The following KCNQ2 variants were observed in gnomAD, a reference collection of about 807,000 sequenced individuals.
The protein encoded by KCNQ2 is potassium voltage-gated channel subfamily KQT member 2.
A neutral mutation model predicts 84.8 loss-of-function variants in KCNQ2; 14 were observed. That is an observed-to-expected ratio of 0.17 (90% CI 0.11 to 0.26). KCNQ2 has a LOEUF of 0.26. Ranked by LOEUF, KCNQ2 falls within the 10% of genes least tolerant of loss-of-function variation. The pLI, the probability that KCNQ2 is intolerant of heterozygous loss-of-function variation, is 1.00. For synonymous variants in KCNQ2, 599 were observed against 554.1 expected (o/e 1.08, Z -1.14); for missense variants, 788 against 1,254.0 (o/e 0.63, Z 5.61).
chr20:63,407,729 G>T lies in KCNQ2; in HGVS notation c.1888-354C>A, dbSNP rs1213591547. Among the ~76,000 whole-genome samples, 1 of 151,670 alleles carries T rather than the reference G, an allele frequency of 6.6e-6. No individual in the cohort carries two copies. The highest frequency in any genetic ancestry group is 2.4e-5 in the African/African-American group (1 of 41,284). ...GTCGGTCGACTTGGGCTGGTCCCAG[G>T]AGGTGGGGGGACCTGGGTTGCTCCC... On this transcript the variant is annotated intron_variant, in intron 16 of 16. Transcript: ENST00000359125. The surrounding 1 kb of genome is among the most constrained non-coding windows in gnomAD (Gnocchi z 7.2).
chr20:63,435,724 C>T (rs975587919), intron 7 of KCNQ2, among the ~76,000 whole-genome samples: 1 of 152,218 alleles, frequency 6.6e-6, no homozygotes, highest in African/African-American at 2.4e-5. Context: ...AGGAAGAACA[C>T]TGGCCCAGCA....
intron 10 of KCNQ2, among the ~76,000 whole-genome samples, chr20:63,426,099 G>A (rs1323248161): frequency 6.6e-5 from 10 of 152,286 alleles, no homozygotes; most frequent in African/African-American, 2.2e-4. Context: ...GCTGAGGAGC[G>A]CCACCGGCCT....
At chr20:63,436,280 C>T (rs1423909152) in intron 7 of KCNQ2, among the ~76,000 whole-genome samples, 6 of 152,178 alleles carry the variant, frequency 3.9e-5, no homozygotes, top group African/African-American at 1.4e-4. Flanking sequence ...GCCTGTAATC[C>T]CAGCACTTTG....
In KCNQ2 at chr20:63,405,764, C is replaced by T. The variant is rs1158144444; in HGVS notation, c.*880G>A. 2 of 152,402 alleles carry T rather than the reference C, an allele frequency of 1.3e-5. No individual in the cohort carries two copies. Among genetic ancestry groups the T allele is most frequent in the Non-Finnish European group, 2.9e-5 (2 of 68,188 alleles). The allele number at this position is 152,402 out of a possible 1,614,324, so 9.4% of individuals were successfully genotyped here. On this transcript the variant is annotated 3_prime_UTR_variant, in exon 17 of 17. Transcript: ENST00000359125. ...GGACTTGGGGTCCTGCCCCCCCGGT[C>T]TCCAAGGCTGGGGTGCTGCTGGCTC...
chr20:63,433,220 G>A (rs1448660304), intron 8 of KCNQ2, among the ~76,000 whole-genome samples: 1 of 152,198 alleles, frequency 6.6e-6, no homozygotes, highest in East Asian at 1.9e-4. Flanking sequence ...GCACTGCCTC[G>A]ACAGGCACTT....
In KCNQ2 at chr20:63,440,090, G is replaced by A. The variant is rs760462420; in HGVS notation, c.817-382C>T. On this transcript the variant is annotated intron_variant, in intron 5 of 16. Coordinates refer to ENST00000359125, the MANE Select transcript of KCNQ2 (RefSeq NM_172107.4). ...AGGGACCCAGAGGAACGGGCAGGGC[G>A]TGCAGGGGGCTCGCTGAGCCTGAGC... Among the ~76,000 whole-genome samples the A allele has an allele frequency of 2.6e-5, 4 of 152,344 alleles. No homozygotes were observed. The East Asian group carries it at 5.8e-4, about 22-fold the overall frequency.
In KCNQ2 at chr20:63,469,130, G is replaced by C. The variant is rs369418837; in HGVS notation, c.296+3038C>G. ...CTATGCGCAGATGGGCTGCAGGAGA[G>C]AGGCTGGAGCCCGGGATTCAGGCTC... is the stretch of plus-strand genomic sequence containing the variant. On this transcript the variant is annotated intron_variant, in intron 1 of 16. Coordinates refer to ENST00000359125, the MANE Select transcript of KCNQ2 (RefSeq NM_172107.4). 6.1e-3 allele frequency among the ~76,000 whole-genome samples: 933 copies of C among 152,332 alleles called. 89 individuals are homozygous for C. The South Asian group carries it at 0.19, about 30-fold the overall frequency.
intron 4 of KCNQ2, among the ~76,000 whole-genome samples, chr20:63,443,247 ACATCACCATCGCCACCATCATCACCAC>A (rs2081290503): frequency 1.5e-4 from 2 of 13,448 alleles, no homozygotes; most frequent in Non-Finnish European, 3.2e-4. Context: ...CACCACCATC[ACATCACCATCGCCACCATCATCACCAC>A]CATCACCATC....
At chr20:63,409,621 G>C (rs2080052311) in intron 15 of KCNQ2, among the ~76,000 whole-genome samples, 1 of 152,250 alleles carries the variant, frequency 6.6e-6, no homozygotes, top group South Asian at 2.1e-4. Flanking sequence ...GACCCACCCA[G>C]GAGAGGCCAC....
chr20:63,438,729 C>T lies in KCNQ2; in HGVS notation c.928-9G>A, dbSNP rs753116226. On this transcript the variant is annotated splice_polypyrimidine_tract_variant and intron_variant, in intron 6 of 16. Transcript: ENST00000359125. This position sits in a 1 kb window ranked among gnomAD's most constrained non-coding sequence, Gnocchi z 5.1. ...CCAGACCCCAAGATGCCCTGCAATT[C>T]ATCAGGGTCAGGTCACACCCCAGGG... The T allele has an allele frequency of 3.1e-6, 5 of 1,612,422 alleles. No individual in the cohort carries two copies. The highest frequency in any genetic ancestry group is 4.2e-6 in the Non-Finnish European group (5 of 1,179,258).
At chr20:63,470,919 G>C (rs1452761963) in intron 1 of KCNQ2, 1 of 152,174 alleles carries the variant, frequency 6.6e-6, no homozygotes, top group Admixed American at 6.5e-5. Context: ...GCTTCTGCTT[G>C]GGGAGTCCCA....
Position 63,438,531 on chromosome 20 carries a change from C to A in KCNQ2, c.1023+94G>T, listed in dbSNP as rs561721319. 127 of 1,015,530 alleles carry A rather than the reference C, an allele frequency of 1.3e-4. 2 individuals carry two copies. The highest frequency in any genetic ancestry group is 1.2e-3 in the South Asian group (93 of 79,296). The allele number at this position is 1,015,530 out of a possible 1,614,324, so 62.9% of individuals were successfully genotyped here. A position where few individuals can be genotyped will look rare whatever the true frequency, so the allele number is the denominator to read the frequency against. The stretch of plus-strand genomic sequence containing the variant: ...GTGAGCGCTGTGGCCCATCCACAGA[C>A]AGGGCAATGCCAAAGCCCCAGCGGC... On this transcript the variant is annotated intron_variant, in intron 7 of 16. Coordinates refer to ENST00000359125, the MANE Select transcript of KCNQ2 (RefSeq NM_172107.4). This position sits in a 1 kb window ranked among gnomAD's most constrained non-coding sequence, Gnocchi z 5.1.
Position 63,460,060 on chromosome 20 carries a change from A to C in KCNQ2, c.296+12108T>G, listed in dbSNP as rs2081909282. 6.6e-6 allele frequency: 1 copy of C among 152,150 alleles called. No homozygotes were observed. 9.4% of individuals were successfully genotyped at this position (152,150 alleles called of 1,614,324 possible). On this transcript the variant is annotated intron_variant, in intron 1 of 16. Transcript: ENST00000359125. The surrounding 1 kb of genome is among the most constrained non-coding windows in gnomAD (Gnocchi z 5.4). ...AGAATCGCCCCTTCTTCTGTGGCTG[A>C]AGCTTGGCTCTGGCCCTGGCCAGTG... is the stretch of plus-strand genomic sequence containing the variant.
intron 10 of KCNQ2, 31 bp from the exon 11 acceptor site, chr20:63,424,237 C>G: frequency 6.4e-7 from 1 of 1,552,400 alleles, no homozygotes; most frequent in Non-Finnish European, 8.7e-7. Flanking sequence ...GAGTTAGTGG[C>G]CGCCCACTCA....
intron 1 of KCNQ2, among the ~76,000 whole-genome samples, chr20:63,455,800 A>G (rs113228928): frequency 2.9e-3 from 209 of 72,890 alleles, no homozygotes; most frequent in South Asian, 5.6e-3. Flanking sequence ...GTGCTCACGG[A>G]CCCCCCACCT....
intron 1 of KCNQ2, among the ~76,000 whole-genome samples, chr20:63,461,524 A>C (rs2081945864): frequency 6.6e-6 from 1 of 152,208 alleles, no homozygotes; most frequent in Non-Finnish European, 1.5e-5. Flanking sequence ...CCTCTGGCCC[A>C]CGAGGAGCCG....
chr20:63,451,239 A>T (rs2081607317), intron 1 of KCNQ2, among the ~76,000 whole-genome samples: 1 of 151,990 alleles, frequency 6.6e-6, no homozygotes, highest in African/African-American at 2.4e-5. Context: ...TTCTCCCTGG[A>T]GGCCTCTGTC....
rs567947432 is a variant in KCNQ2, at chr20:63,469,084, G to T, written c.296+3084C>A. On this transcript the variant is annotated intron_variant, in intron 1 of 16. Transcript: ENST00000359125. ...GACGAGGAGGTTCAACTCCGTGGTG[G>T]AGCAGTGCCCGGCTCCAGTCCTATG... 2.6e-5 allele frequency among the ~76,000 whole-genome samples: 4 copies of T among 152,358 alleles called. No homozygotes were observed. In the South Asian group the frequency reaches 8.3e-4, roughly 32 times the overall value.
intron 11 of KCNQ2, chr20:63,422,347 C>T (rs930944454): frequency 1.3e-5 from 2 of 152,994 alleles, no homozygotes; most frequent in African/African-American, 2.4e-5. Context: ...CAGGTGAGCA[C>T]CCCAGGATGG....
Sources: allele counts gnomAD v4.1 joint callset (sites outside exome capture counted in the v4.1 genomes callset), GRCh38; gene constraint gnomAD v4.1.1; non-coding constraint Gnocchi (gnomAD v3.1); transcripts MANE v1.5; gene names NCBI Gene and HGNC (gene_info 2026-07-23, HGNC 2026-07-21).